The following ITGB1 variants were observed in gnomAD, a reference collection of about 807,000 sequenced individuals.
ITGB1 encodes integrin subunit beta 1.
In ITGB1, 24 loss-of-function variants were observed where a neutral mutation model predicts 86.5. The ratio of observed to expected loss-of-function variants is 0.28; its 90% CI spans 0.20 to 0.39. The LOEUF is 0.39. Ranked by LOEUF, ITGB1 falls within the 10% of genes least tolerant of loss-of-function variation. ITGB1 has a pLI of 1.00. For synonymous variants in ITGB1, 323 were observed against 316.8 expected, an observed-to-expected ratio of 1.02 and a Z score of -0.21; for missense variants, 556 against 946.9, an observed-to-expected ratio of 0.59 and a Z score of 5.42.
Position 32,912,061 on chromosome 10 carries a change from G to A in ITGB1, c.1533C>T (p.Asp511=), listed in dbSNP as rs1255038993. ...ECSTDEVNSE[D]MDAYCRKENS... Reference sequence around the variant, plus strand: ...TTTCTTTCCTGCAGTAAGCATCCATGTCTTCACTGTTAACTTCATCTGTGC... The same window carrying A: ...TTTCTTTCCTGCAGTAAGCATCCATATCTTCACTGTTAACTTCATCTGTGC... Residue 511 remains aspartate, a synonymous_variant, in exon 12 of 16, where the codon GAC becomes GAT. Transcript: ENST00000302278. 6.2e-7 allele frequency: 1 copy of A among 1,614,196 alleles called. No homozygotes were observed. The highest frequency in any genetic ancestry group is 1.1e-5 in the South Asian group (1 of 91,086).
intron 9 of ITGB1, among the ~76,000 whole-genome samples, chr10:32,920,863 A>T (rs1368010257): frequency 1.3e-5 from 2 of 151,772 alleles, no homozygotes; most frequent in Non-Finnish European, 2.9e-5. Flanking sequence ...TGCACCTGTA[A>T]TCCCAGCTAC....
chr10:32,903,951 C>T (rs891735663), intron 15 of ITGB1, among the ~76,000 whole-genome samples: 16 of 136,516 alleles, frequency 1.2e-4, no homozygotes, highest in Admixed American at 3.1e-4. Flanking sequence ...TTCTTTAATA[C>T]AATATATTTG....
At chr10:32,944,259 T>C (rs1277635906) in intron 1 of ITGB1, among the ~76,000 whole-genome samples, 3 of 152,128 alleles carry the variant, frequency 2.0e-5, no homozygotes, top group Non-Finnish European at 4.4e-5. Context: ...TAGACCAGAG[T>C]TCAGGGAAGG....
intron 3 of ITGB1, 26 bp downstream of exon 3, chr10:32,932,489 G>A (rs1311609173): frequency 1.5e-6 from 2 of 1,358,834 alleles, no homozygotes; most frequent in South Asian, 2.3e-5. Context: ...AGAACAAATG[G>A]AAAGGACTTG....
At chr10:32,944,697 C>G (rs1423344966) in intron 1 of ITGB1, 22 of 674,034 alleles carry the variant, frequency 3.3e-5, no homozygotes, top group Non-Finnish European at 5.4e-5. Flanking sequence ...CTAGACTAAG[C>G]TTCTTAGACA....
At chr10:32,932,476 C>A in intron 3 of ITGB1, 39 bp downstream of exon 3, 1 of 1,130,064 alleles carries the variant, frequency 8.8e-7, no homozygotes, top group Non-Finnish European at 1.4e-6. Context: ...ACTAAATGAC[C>A]AGAGAACAAA....
chr10:32,908,293 A>G (rs535968960), intron 15 of ITGB1, 75 bp downstream of exon 15: 2 of 1,310,520 alleles, frequency 1.5e-6, no homozygotes, highest in Non-Finnish European at 2.2e-6. Flanking sequence ...TCAGCCTGAC[A>G]GCTAATACAT....
At chr10:32,923,498 C>T (rs2094956051) in intron 7 of ITGB1, 87 bp downstream of exon 7, 1 of 1,224,084 alleles carries the variant, frequency 8.2e-7, no homozygotes, top group African/African-American at 1.5e-5. Flanking sequence ...CCCTGAGAAA[C>T]CCCAAGCCAG....
intron 11 of ITGB1, among the ~76,000 whole-genome samples, chr10:32,918,382 A>G (rs2094938621): frequency 6.6e-6 from 1 of 152,076 alleles, no homozygotes; most frequent in Non-Finnish European, 1.5e-5. Flanking sequence ...AATAATAATA[A>G]TAATAATTTA....
intron 1 of ITGB1, among the ~76,000 whole-genome samples, chr10:32,942,132 A>G (rs1423777492): frequency 6.6e-6 from 1 of 152,192 alleles, no homozygotes; most frequent in Non-Finnish European, 1.5e-5. Context: ...AAAAGAGAAA[A>G]GGAAAGTGAT....
chr10:32,952,909 T>G (rs1037261862), intron 1 of ITGB1, among the ~76,000 whole-genome samples: 1 of 152,240 alleles, frequency 6.6e-6, no homozygotes, highest in South Asian at 2.1e-4. Flanking sequence ...TTCAAACTTC[T>G]ATTGTAACTA....
At chr10:32,947,031 C>A (rs997744821) in intron 1 of ITGB1, among the ~76,000 whole-genome samples, 1 of 151,924 alleles carries the variant, frequency 6.6e-6, no homozygotes, top group Non-Finnish European at 1.5e-5. Flanking sequence ...TTAGTAGAGA[C>A]AGGGTTTTGC....
chr10:32,951,388 C>T (rs2095042347), intron 1 of ITGB1, among the ~76,000 whole-genome samples: 1 of 151,736 alleles, frequency 6.6e-6, no homozygotes, highest in East Asian at 1.9e-4. Flanking sequence ...ATCTCATAAA[C>T]AGACAACTGG....
intron 11 of ITGB1, among the ~76,000 whole-genome samples, chr10:32,915,798 TC>T (rs2094929684): frequency 6.6e-6 from 1 of 152,200 alleles, no homozygotes; most frequent in African/African-American, 2.4e-5. Flanking sequence ...GAGGGAATCC[TC>T]CCTAACTCAC....
Position 32,923,602 on chromosome 10 carries a change from T to G in ITGB1, c.925A>C (p.Thr309Pro). 6.2e-7 allele frequency: 1 copy of G among 1,613,346 alleles called. No individual in the cohort carries two copies. The part of the protein sequence containing the change: ...GQCHLENNMY[T>P]MSHYYDYPSI... ...GCACTTACATAATAATGGCTCATTGTGTACATATTATTTTCCAGGTGACAT... is the reference window on the plus strand; with the variant it reads ...GCACTTACATAATAATGGCTCATTGGGTACATATTATTTTCCAGGTGACAT... The change falls in exon 7 of 16, where the codon ACA becomes CCA. Residue 309 changes from threonine (T) to proline (P), a missense_variant. By Grantham distance (38) the Thr-to-Pro change is conservative. This residue lies in a region of ITGB1 where 330 missense variants were observed against 531.5 expected (regional missense o/e 0.62). Coordinates refer to ENST00000302278, the MANE Select transcript of ITGB1 (RefSeq NM_002211.4).
Position 32,919,909 on chromosome 10 carries a change from C to T in ITGB1, c.1445G>A (p.Gly482Glu). 6.2e-7 allele frequency: 1 copy of T among 1,614,096 alleles called. No individual in the cohort carries two copies. The highest frequency in any genetic ancestry group is 8.5e-7 in the Non-Finnish European group (1 of 1,180,006). ...CCTGCACGCGCCACACTCAAATGTC[C>T]CATTTCCTTCATGACACTTGGGACT... The part of the protein sequence containing the change: ...PESPKCHEGN[G>E]TFECGACRCN... The change falls in exon 11 of 16, where the codon GGG becomes GAG. Residue 482 changes from glycine to glutamate, a missense_variant. Physicochemically the swap from Gly to Glu is moderately conservative, Grantham distance 98. This residue lies in a region of ITGB1 where 330 missense variants were observed against 531.5 expected (regional missense o/e 0.62). Transcript: ENST00000302278.
intron 5 of ITGB1, among the ~76,000 whole-genome samples, chr10:32,926,797 T>C (rs2503997): frequency 0.54 from 81,592 of 152,022 alleles, 24,921 homozygotes; most frequent in Non-Finnish European, 0.68. Context: ...AGCTGCTGTC[T>C]CCCTGCTGCT....
Position 32,912,050 on chromosome 10 carries a change from T to A in ITGB1, c.1544A>T (p.Tyr515Phe). 6.2e-7 allele frequency: 1 copy of A among 1,614,248 alleles called. No individual in the cohort carries two copies. Among genetic ancestry groups the A allele is most frequent in the Non-Finnish European group, 8.5e-7 (1 of 1,180,042 alleles). ...DEVNSEDMDAYCRKENSSEIC... is the reference protein window; with the variant it reads ...DEVNSEDMDAFCRKENSSEIC... Reference sequence around the variant, plus strand: ...TTCTGAACTGTTTTCTTTCCTGCAGTAAGCATCCATGTCTTCACTGTTAAC... The same window carrying A: ...TTCTGAACTGTTTTCTTTCCTGCAGAAAGCATCCATGTCTTCACTGTTAAC... Residue 515 changes from tyrosine (Y) to phenylalanine (F), a missense_variant, in exon 12 of 16, where the codon TAC becomes TTC. Physicochemically the swap from Tyr to Phe is conservative, Grantham distance 22. Around this residue, in one of 4 missense-constraint regions of ITGB1, gnomAD observed 330 missense variants for 531.5 expected, o/e 0.62. Coordinates refer to ENST00000302278, the MANE Select transcript of ITGB1 (RefSeq NM_002211.4).
intron 1 of ITGB1, chr10:32,957,853 A>C (rs1470089686): frequency 6.6e-6 from 1 of 152,050 alleles, no homozygotes; most frequent in African/African-American, 2.4e-5. Context: ...GACAGCGCCC[A>C]GGCCGGCGAC....
Sources: gnomAD v4.1 joint callset for allele counts (sites outside exome capture counted in the v4.1 genomes callset) on GRCh38, gnomAD v4.1.1 for gene constraint, gnomAD v4.1.1 regional missense constraint, MANE v1.5 for transcripts, NCBI Gene and HGNC (gene_info 2026-07-23, HGNC 2026-07-21) for gene names.